MICU1: variants seen among roughly 807,000 people sequenced by gnomAD.
MICU1 encodes the protein mitochondrial calcium uptake 1, also known as calcium uptake protein 1, mitochondrial.
A neutral mutation model predicts 56.8 loss-of-function variants in MICU1; 45 were observed. The observed-to-expected ratio is 0.79, with a 90% confidence interval of 0.62 to 1.02. The LOEUF is 1.02. Among genes scored for constraint, MICU1 ranks in the 50% least tolerant of loss-of-function variants. The pLI is 0.00. For synonymous variants in MICU1, 186 were observed against 195.1 expected, an observed-to-expected ratio of 0.95 and a Z score of 0.39; for missense variants, 504 against 587.1, an observed-to-expected ratio of 0.86 and a Z score of 1.46.
At chr10:72,538,848 T>C (rs1467758408) in intron 4 of MICU1, among the ~76,000 whole-genome samples, 1 of 151,974 alleles carries the variant, frequency 6.6e-6, no homozygotes, top group East Asian at 1.9e-4. Context: ...ATGATGCCTA[T>C]AAGAGACTCA....
intron 10 of MICU1, among the ~76,000 whole-genome samples, chr10:72,390,806 T>C (rs951363880): frequency 1.3e-5 from 2 of 152,242 alleles, no homozygotes; most frequent in Non-Finnish European, 2.9e-5. Context: ...TAGAACCTCT[T>C]ATTCTAATTA....
At chr10:72,503,205 G>A (rs1273880718) in intron 6 of MICU1, among the ~76,000 whole-genome samples, 1 of 152,128 alleles carries the variant, frequency 6.6e-6, no homozygotes, top group Non-Finnish European at 1.5e-5. Flanking sequence ...GGGAGAGGAA[G>A]GGAGATCATA....
intron 3 of MICU1, among the ~76,000 whole-genome samples, chr10:72,562,147 C>T (rs996537722): frequency 1.5e-3 from 122 of 82,588 alleles, no homozygotes; most frequent in Admixed American, 1.9e-3. Context: ...TACATAAAAT[C>T]TTTTTTTTTT....
chr10:72,421,328 T>C (rs1349816801), intron 9 of MICU1, among the ~76,000 whole-genome samples: 2 of 151,986 alleles, frequency 1.3e-5, no homozygotes, highest in South Asian at 2.1e-4. Flanking sequence ...TGATCTTGGT[T>C]CACTGCAACC....
intron 6 of MICU1, among the ~76,000 whole-genome samples, chr10:72,505,051 G>A (rs1867200243): frequency 6.6e-6 from 1 of 151,288 alleles, no homozygotes; most frequent in Admixed American, 6.6e-5. Context: ...TCGGCTCACT[G>A]CAACCTCCAC....
chr10:72,509,671 A>C (rs1867378727), intron 5 of MICU1, among the ~76,000 whole-genome samples: 1 of 152,204 alleles, frequency 6.6e-6, no homozygotes, highest in South Asian at 2.1e-4. Flanking sequence ...TGCGGCTCAC[A>C]GAAGGCATAG....
chr10:72,498,542 C>A (rs962759094), intron 6 of MICU1, among the ~76,000 whole-genome samples: 1 of 151,938 alleles, frequency 6.6e-6, no homozygotes, highest in African/African-American at 2.4e-5. Flanking sequence ...CTTGAGATAG[C>A]GCCATTGCAC....
At chr10:72,572,852 T>C (rs979966771) in intron 1 of MICU1, among the ~76,000 whole-genome samples, 1 of 152,168 alleles carries the variant, frequency 6.6e-6, no homozygotes, top group African/African-American at 2.4e-5. Flanking sequence ...CTGATGAACA[T>C]GCAAATCTGT....
intron 11 of MICU1, 79 bp downstream of exon 11, chr10:72,375,704 C>A: frequency 7.5e-7 from 1 of 1,340,516 alleles, no homozygotes; most frequent in South Asian, 1.3e-5. Context: ...AGATGCTGTC[C>A]GCAAGGCTCC....
intron 5 of MICU1, among the ~76,000 whole-genome samples, chr10:72,519,821 T>A (rs1310590423): frequency 2.0e-5 from 3 of 152,196 alleles, no homozygotes; most frequent in Non-Finnish European, 2.9e-5. Flanking sequence ...AGTTATAAAG[T>A]TAAAAAAACT....
chr10:72,397,692 T>A (rs1381739177), intron 10 of MICU1, among the ~76,000 whole-genome samples: 1 of 152,102 alleles, frequency 6.6e-6, no homozygotes, highest in Non-Finnish European at 1.5e-5. Context: ...AAGAAGGCCA[T>A]CACATAATGG....
chr10:72,448,121 A>ATGAGTG (rs1554872386), intron 8 of MICU1, among the ~76,000 whole-genome samples: 1 of 121,786 alleles, frequency 8.2e-6, no homozygotes, highest in African/African-American at 3.3e-5. Flanking sequence ...GTTTATATAT[A>ATGAGTG]TGTGTGTGTG....
At chr10:72,615,645 C>T (rs1363004503) in intron 1 of MICU1, among the ~76,000 whole-genome samples, 1 of 152,138 alleles carries the variant, frequency 6.6e-6, no homozygotes, top group African/African-American at 2.4e-5. Context: ...GTTTCCATCT[C>T]CGAAAGTTCA....
In MICU1 at chr10:72,551,276, G is replaced by C. The variant is rs1240615699; in HGVS notation, c.396C>G (p.Ala132=). 16 of 1,613,170 alleles carry C rather than the reference G, an allele frequency of 9.9e-6. No individual in the cohort carries two copies. The highest frequency in any genetic ancestry group is 3.3e-5 in the Admixed American group (2 of 59,898). ...CAGGCTCACTGATGACTTTCAAGGT[G>C]GCAAAATATCGGAAGATTTTGTCTG... ...STPDKIFRYF[A]TLKVISEPGE... is the part of the protein sequence containing the mutation. The change falls in exon 4 of 12, where the codon GCC becomes GCG. Residue 132 remains alanine, a synonymous_variant. Coordinates refer to ENST00000361114, the MANE Select transcript of MICU1 (RefSeq NM_001195518.2).
At chr10:72,549,677 T>A (rs926825237) in intron 4 of MICU1, among the ~76,000 whole-genome samples, 1 of 152,138 alleles carries the variant, frequency 6.6e-6, no homozygotes, top group African/African-American at 2.4e-5. Context: ...ACGCCTGTAA[T>A]CTCATCACTT....
intron 10 of MICU1, among the ~76,000 whole-genome samples, chr10:72,387,915 T>C (rs1862946916): frequency 6.6e-6 from 1 of 152,130 alleles, no homozygotes. Flanking sequence ...ACAGGCAGTT[T>C]GGTACAATTT....
chr10:72,538,374 C>T (rs1296781374), intron 4 of MICU1, among the ~76,000 whole-genome samples: 1 of 151,960 alleles, frequency 6.6e-6, no homozygotes, highest in Non-Finnish European at 1.5e-5. Flanking sequence ...ATAGAAAAGG[C>T]AATGTAAGTA....
intron 6 of MICU1, among the ~76,000 whole-genome samples, chr10:72,497,260 A>G (rs1866877665): frequency 6.6e-6 from 1 of 151,800 alleles, no homozygotes. Flanking sequence ...GCGTTTCACC[A>G]TCTTGGCCAG....
chr10:72,511,885 C>A (rs1053811120), intron 5 of MICU1, among the ~76,000 whole-genome samples: 1 of 152,284 alleles, frequency 6.6e-6, no homozygotes, highest in Admixed American at 6.5e-5. Flanking sequence ...AGATCCCTAG[C>A]TGATTGGGTG....
Sources: gnomAD v4.1 joint callset for allele counts (sites outside exome capture counted in the v4.1 genomes callset) on GRCh38, gnomAD v4.1.1 for gene constraint, MANE v1.5 for transcripts, NCBI Gene and HGNC (gene_info 2026-07-23, HGNC 2026-07-21) for gene names.